FHIT: variants seen among roughly 807,000 people sequenced by gnomAD.
FHIT encodes the protein fragile histidine triad diadenosine triphosphatase.
In FHIT, 19 loss-of-function variants were observed where a neutral mutation model predicts 17.9. The observed-to-expected ratio is 1.06, with a 90% CI of 0.74 to 1.56. The LOEUF is 1.56. FHIT is among the 40% of genes most tolerant of loss of function. The probability of loss-of-function intolerance (pLI) is 0.00; values close to 1 mark genes in which losing one functional copy is unlikely to be tolerated. For missense variants in FHIT, 248 were observed against 189.2 expected (o/e 1.31, Z -1.82); for synonymous variants, 81 against 69.7 (o/e 1.16, Z -0.81).
Position 60,806,705 on chromosome 3 carries a change from T to G in FHIT, c.-18+15214A>C, listed in dbSNP as rs531641003. On this transcript the variant is annotated intron_variant, in intron 4 of 9. Transcript: ENST00000492590. ...GCCAGACCTTTTAACTACTTAAGGT[T>G]AGAATTGCATCAAACCCATTGTTTT... is the stretch of plus-strand genomic sequence containing the variant. 2.6e-5 allele frequency among the ~76,000 whole-genome samples: 4 copies of G among 152,356 alleles called. No individual in the cohort carries two copies. In the East Asian group the frequency reaches 7.7e-4, roughly 29 times the overall value.
At chr3:61,209,932 T>C (rs1318535484) in intron 1 of FHIT, among the ~76,000 whole-genome samples, 4 of 152,212 alleles carry the variant, frequency 2.6e-5, no homozygotes, top group Non-Finnish European at 5.9e-5. Flanking sequence ...TTTTTCCCCA[T>C]CTTTGTGGTT....
chr3:60,386,014 C>A (rs1700996579), intron 5 of FHIT, among the ~76,000 whole-genome samples: 1 of 152,144 alleles, frequency 6.6e-6, no homozygotes, highest in African/African-American at 2.4e-5. Context: ...GCAGGTGCTT[C>A]TGAGTGCCAT....
At chr3:59,981,851 G>C (rs1444972818) in intron 7 of FHIT, among the ~76,000 whole-genome samples, 1 of 152,070 alleles carries the variant, frequency 6.6e-6, no homozygotes, top group Non-Finnish European at 1.5e-5. Flanking sequence ...GAAAAAGTCT[G>C]ATGTGGTTAA....
intron 5 of FHIT, among the ~76,000 whole-genome samples, chr3:60,041,247 G>T (rs888850637): frequency 6.6e-6 from 1 of 152,156 alleles, no homozygotes; most frequent in African/African-American, 2.4e-5. Context: ...CACTTGCACA[G>T]GGGGCATTTT....
chr3:61,028,790 C>A (rs2032863026), intron 3 of FHIT, among the ~76,000 whole-genome samples: 1 of 151,804 alleles, frequency 6.6e-6, no homozygotes, highest in Admixed American at 6.6e-5. Flanking sequence ...TTGTTGATAG[C>A]CTTGAGAGTT....
intron 3 of FHIT, among the ~76,000 whole-genome samples, chr3:60,979,790 C>T (rs756692509): frequency 6.6e-6 from 1 of 152,212 alleles, no homozygotes; most frequent in Non-Finnish European, 1.5e-5. Context: ...GCTGTTCTCT[C>T]TCCTGCAAGC....
At chr3:60,752,976 A>G (rs1360771208) in intron 4 of FHIT, among the ~76,000 whole-genome samples, 1 of 152,226 alleles carries the variant, frequency 6.6e-6, no homozygotes, top group East Asian at 1.9e-4. Flanking sequence ...GCCCTAAGAG[A>G]AGCAATATTT....
chr3:60,866,387 G>C (rs1402202904), intron 3 of FHIT, among the ~76,000 whole-genome samples: 1 of 152,100 alleles, frequency 6.6e-6, no homozygotes, highest in Admixed American at 6.5e-5. Flanking sequence ...CTCTTGAGTG[G>C]CTGTCTCTGG....
chr3:59,903,955 C>A (rs956685221), intron 8 of FHIT, among the ~76,000 whole-genome samples: 1 of 151,952 alleles, frequency 6.6e-6, no homozygotes, highest in Non-Finnish European at 1.5e-5. Flanking sequence ...TTATGTGGTA[C>A]AAAAGGGACT....
intron 4 of FHIT, among the ~76,000 whole-genome samples, chr3:60,783,191 G>A (rs1430388456): frequency 1.3e-5 from 2 of 152,038 alleles, no homozygotes; most frequent in African/African-American, 4.8e-5. Context: ...ATGTTGCCCA[G>A]GCTCTCACTG....
At chr3:60,526,862 G>T (rs894518122) in intron 5 of FHIT, among the ~76,000 whole-genome samples, 1 of 152,134 alleles carries the variant, frequency 6.6e-6, no homozygotes, top group Admixed American at 6.5e-5. Context: ...TCCCCCAAGA[G>T]ATGTGACTTT....
chr3:60,486,622 T>C (rs999710686), intron 5 of FHIT, among the ~76,000 whole-genome samples: 5 of 152,180 alleles, frequency 3.3e-5, no homozygotes, highest in African/African-American at 1.2e-4. Context: ...GTCTCCTCCA[T>C]TAATTATTGA....
At chr3:61,160,731 G>A (rs1299239342) in intron 2 of FHIT, among the ~76,000 whole-genome samples, 1 of 152,308 alleles carries the variant, frequency 6.6e-6, no homozygotes, top group East Asian at 1.9e-4. Flanking sequence ...CATGAAACAA[G>A]TGGCTATAGA....
At chr3:60,997,688 T>C (rs780678164) in intron 3 of FHIT, among the ~76,000 whole-genome samples, 7 of 152,220 alleles carry the variant, frequency 4.6e-5, no homozygotes, top group Admixed American at 1.3e-4. Context: ...GAAAGCCTGA[T>C]ACTAGCCCTT....
chr3:59,920,318 C>G (rs971757747), intron 8 of FHIT, among the ~76,000 whole-genome samples: 1 of 152,148 alleles, frequency 6.6e-6, no homozygotes, highest in Non-Finnish European at 1.5e-5. Context: ...TGGATACTGT[C>G]TATACTACAT....
chr3:59,797,056 A>T (rs1379527523), intron 8 of FHIT, among the ~76,000 whole-genome samples: 1 of 152,234 alleles, frequency 6.6e-6, no homozygotes, highest in Non-Finnish European at 1.5e-5. Flanking sequence ...CATATATTTA[A>T]CATCATTGCT....
chr3:60,912,516 A>G (rs1456676868), intron 3 of FHIT, among the ~76,000 whole-genome samples: 1 of 152,218 alleles, frequency 6.6e-6, no homozygotes, highest in East Asian at 1.9e-4. Context: ...CATGAGGATT[A>G]TTTTGAGCTG....
intron 5 of FHIT, among the ~76,000 whole-genome samples, chr3:60,025,043 G>A (rs6803449): frequency 6.6e-6 from 1 of 152,054 alleles, no homozygotes; most frequent in Non-Finnish European, 1.5e-5. Flanking sequence ...CTTAACTAAT[G>A]GGGGCAAAAA....
rs115127922 is a variant in FHIT at position 60,986,499 on chromosome 3, A to G, written c.-111+55548T>C. Among the ~76,000 whole-genome samples the G allele has an allele frequency of 6.9e-3, 1,056 of 152,284 alleles. 13 individuals are homozygous for G. The highest frequency in any genetic ancestry group is 0.024 in the African/African-American group (1,015 of 41,566). On this transcript the variant is annotated intron_variant, in intron 3 of 9. Coordinates refer to ENST00000492590, the MANE Select transcript of FHIT (RefSeq NM_002012.4). Reference sequence around the variant, plus strand: ...AGAAAACTGTGAAGATAAAACCCCAAAGTGGAGAGGTATTGGTTAATAGGA... The same window carrying G: ...AGAAAACTGTGAAGATAAAACCCCAGAGTGGAGAGGTATTGGTTAATAGGA...
Sources: allele counts gnomAD v4.1 joint callset (sites outside exome capture counted in the v4.1 genomes callset), GRCh38; gene constraint gnomAD v4.1.1; transcripts MANE v1.5; gene names NCBI Gene and HGNC (gene_info 2026-07-23, HGNC 2026-07-21).